The following MBD5 variants were observed in gnomAD, a reference collection of about 807,000 sequenced individuals.
MBD5 encodes methyl-CpG-binding domain protein 5.
In MBD5, 13 loss-of-function variants were observed where a neutral mutation model predicts 117.3. The observed-to-expected ratio is 0.11, with a 90% CI of 0.07 to 0.18. The LOEUF (loss-of-function observed/expected upper bound fraction) is 0.18, where lower values mean the gene tolerates loss of function less well. MBD5 is among the 10% of genes least tolerant of loss of function. The probability of loss-of-function intolerance (pLI) is 1.00; values close to 1 mark genes in which losing one functional copy is unlikely to be tolerated. For synonymous variants in MBD5, 727 were observed against 766.4 expected, an observed-to-expected ratio of 0.95 and a Z score of 0.85; for missense variants, 1,879 against 2,093.8, an observed-to-expected ratio of 0.90 and a Z score of 2.00.
At chr2:148,443,503 G>T (rs1399954154) in intron 4 of MBD5, among the ~76,000 whole-genome samples, 1 of 151,320 alleles carries the variant, frequency 6.6e-6, no homozygotes, top group Non-Finnish European at 1.5e-5. Context: ...TCCATCAACA[G>T]ATGAATGGAT....
chr2:148,285,848 T>C (rs769148530), intron 3 of MBD5, among the ~76,000 whole-genome samples: 7 of 152,182 alleles, frequency 4.6e-5, no homozygotes, highest in Non-Finnish European at 8.8e-5. Context: ...TGTGAGCCAC[T>C]GTGCCTGGCC....
intron 1 of MBD5, among the ~76,000 whole-genome samples, chr2:148,090,297 T>C (rs569452899): frequency 6.6e-6 from 1 of 152,086 alleles, no homozygotes; most frequent in East Asian, 1.9e-4. Flanking sequence ...CTGAAACCAT[T>C]CCAAAAGATA....
intron 4 of MBD5, among the ~76,000 whole-genome samples, chr2:148,358,434 T>A (rs1703441172): frequency 6.6e-6 from 1 of 152,168 alleles, no homozygotes; most frequent in Non-Finnish European, 1.5e-5. Context: ...TTTAAAGGAA[T>A]GCAACCACCT....
At chr2:148,022,136 C>G (rs867089166) in intron 1 of MBD5, among the ~76,000 whole-genome samples, 2 of 152,178 alleles carry the variant, frequency 1.3e-5, no homozygotes, top group African/African-American at 2.4e-5. Flanking sequence ...TGTATTGGAA[C>G]TGCTTATCCA....
chr2:148,044,896 C>T (rs1417902649), intron 1 of MBD5: 1 of 151,812 alleles, frequency 6.6e-6, no homozygotes, highest in Non-Finnish European at 1.5e-5. Context: ...TGGTGATTTC[C>T]CTGCTGCCTC....
intron 9 of MBD5, 131 bp from the exon 10 acceptor site, chr2:148,485,611 G>T: frequency 2.8e-6 from 2 of 708,958 alleles, no homozygotes; most frequent in South Asian, 1.7e-5. Context: ...ACTTTGAGAA[G>T]TAAAAAAGAA....
In MBD5 at chr2:148,469,325, G is replaced by C; in HGVS notation, c.1382G>C (p.Arg461Pro). 6.2e-7 allele frequency: 1 copy of C among 1,613,672 alleles called. No homozygotes were observed. The highest frequency in any genetic ancestry group is 1.1e-5 in the South Asian group (1 of 91,074). ...ATTGAGGCATCGCCCCAAAGATCACGCTCATCTTCCACATCATCAGATCAT... is the reference window on the plus strand; with the variant it reads ...ATTGAGGCATCGCCCCAAAGATCACCCTCATCTTCCACATCATCAGATCAT... The part of the protein sequence containing the change: ...GRIEASPQRS[R>P]SSSTSSDHGN... Residue 461 changes from arginine (R) to proline (P), a missense_variant, in exon 8 of 14, where the codon CGC becomes CCC. Physicochemically the swap from Arg to Pro is moderately radical, Grantham distance 103 (BLOSUM62 -2). Transcript: ENST00000642680.
intron 1 of MBD5, among the ~76,000 whole-genome samples, chr2:148,141,409 C>T (rs1430119567): frequency 1.3e-5 from 2 of 152,162 alleles, no homozygotes; most frequent in African/African-American, 4.8e-5. Flanking sequence ...CCTTTTGGTA[C>T]TTCATTCTTA....
At chr2:148,400,250 G>T (rs1256451339) in intron 4 of MBD5, among the ~76,000 whole-genome samples, 3 of 150,816 alleles carry the variant, frequency 2.0e-5, no homozygotes, top group Non-Finnish European at 3.0e-5. Flanking sequence ...TCAGTAATAT[G>T]GTATTCCCCA....
intron 1 of MBD5, among the ~76,000 whole-genome samples, chr2:148,165,687 A>G (rs1291971359): frequency 6.6e-6 from 1 of 152,114 alleles, no homozygotes; most frequent in Non-Finnish European, 1.5e-5. Flanking sequence ...GGCATATTTT[A>G]TTATAAATAT....
At chr2:148,354,460 G>T (rs1231017645) in intron 4 of MBD5, among the ~76,000 whole-genome samples, 1 of 152,126 alleles carries the variant, frequency 6.6e-6, no homozygotes, top group Non-Finnish European at 1.5e-5. Flanking sequence ...ATTTTTTATG[G>T]CTGCATAGTA....
At chr2:148,239,518 A>G (rs1272167937) in intron 3 of MBD5, among the ~76,000 whole-genome samples, 1 of 152,064 alleles carries the variant, frequency 6.6e-6, no homozygotes, top group Non-Finnish European at 1.5e-5. Context: ...TTCCTTTTCC[A>G]TATTTGTTTA....
intron 2 of MBD5, among the ~76,000 whole-genome samples, chr2:148,202,861 C>G (rs1699177516): frequency 6.6e-6 from 1 of 151,688 alleles, no homozygotes; most frequent in South Asian, 2.1e-4. Flanking sequence ...GAACCCATCT[C>G]TTAAATAAAT....
intron 2 of MBD5, among the ~76,000 whole-genome samples, chr2:148,179,304 G>A (rs1481135210): frequency 7.3e-5 from 11 of 149,722 alleles, no homozygotes; most frequent in African/African-American, 2.7e-4. Context: ...GCAGTGAGCC[G>A]AGATCGCACC....
chr2:148,336,480 G>A (rs1702792194), intron 3 of MBD5, among the ~76,000 whole-genome samples: 1 of 152,034 alleles, frequency 6.6e-6, no homozygotes, highest in Non-Finnish European at 1.5e-5. Flanking sequence ...TCCACCTCCT[G>A]GGCTCAAACC....
At chr2:148,496,578 T>C (rs996097195) in intron 11 of MBD5, among the ~76,000 whole-genome samples, 2 of 152,216 alleles carry the variant, frequency 1.3e-5, no homozygotes, top group African/African-American at 4.8e-5. Context: ...AGGCAACTAC[T>C]TGCTTCTGTT....
At chr2:148,356,386 A>G (rs1343812537) in intron 4 of MBD5, among the ~76,000 whole-genome samples, 1 of 152,026 alleles carries the variant, frequency 6.6e-6, no homozygotes, top group Non-Finnish European at 1.5e-5. Context: ...TTGTTAATAC[A>G]CATTATATAT....
intron 4 of MBD5, among the ~76,000 whole-genome samples, chr2:148,445,013 C>T (rs1706444543): frequency 6.6e-6 from 1 of 151,194 alleles, no homozygotes; most frequent in Admixed American, 6.6e-5. Context: ...CTTGCTTGCT[C>T]CTTTGTCTCT....
chr2:148,244,203 C>G (rs1218516506), intron 3 of MBD5: 1 of 152,016 alleles, frequency 6.6e-6, no homozygotes, highest in Non-Finnish European at 1.5e-5. Context: ...CTGGTTTCTT[C>G]ATCTGTAAAG....
Sources: gnomAD v4.1 joint callset for allele counts (sites outside exome capture counted in the v4.1 genomes callset) on GRCh38, gnomAD v4.1.1 for gene constraint, MANE v1.5 for transcripts, NCBI Gene and HGNC (gene_info 2026-07-23, HGNC 2026-07-21) for gene names.